Variants in MYO3B observed in about 807,000 individuals in gnomAD.
MYO3B encodes the protein myosin-IIIb.
A neutral mutation model predicts 174.6 loss-of-function variants in MYO3B; 156 were observed. The observed-to-expected ratio is 0.89, with a 90% CI of 0.78 to 1.02. MYO3B has a LOEUF of 1.02. Ranked by LOEUF, MYO3B falls within the 50% of genes least tolerant of loss-of-function variation. MYO3B has a pLI of 0.00. For synonymous variants in MYO3B, 563 were observed against 569.1 expected (o/e 0.99, Z 0.15); for missense variants, 1,632 against 1,639.4 (o/e 1.00, Z 0.08).
At chr2:170,628,685 T>C (rs1326291057) in intron 32 of MYO3B, among the ~76,000 whole-genome samples, 2 of 152,182 alleles carry the variant, frequency 1.3e-5, no homozygotes, top group Non-Finnish European at 2.9e-5. Flanking sequence ...TGTCCTCTTA[T>C]ATTCTTATAA....
In MYO3B at chr2:170,378,141, C is replaced by T. The variant is rs149377233; in HGVS notation, c.972-3875C>T. ...CTAAAAATAGAGAAATATAAAACAA[C>T]GTAACGCTTTTTATAAGCTTATGCA... is the stretch of plus-strand genomic sequence containing the variant. On this transcript the variant is annotated intron_variant, in intron 9 of 34. Coordinates refer to ENST00000408978, the MANE Select transcript of MYO3B (RefSeq NM_138995.5). Among the ~76,000 whole-genome samples, 72 of 152,026 alleles carry T rather than the reference C, an allele frequency of 4.7e-4. No individual in the cohort carries two copies. In the South Asian group the frequency reaches 8.3e-3, roughly 18 times the overall value.
At chr2:170,242,983 A>T (rs186218687) in intron 7 of MYO3B, among the ~76,000 whole-genome samples, 5 of 152,286 alleles carry the variant, frequency 3.3e-5, no homozygotes, top group Admixed American at 2.6e-4. Context: ...TAAGACAGGG[A>T]TGAGGAGCAA....
intron 8 of MYO3B, among the ~76,000 whole-genome samples, chr2:170,362,546 A>C (rs1223355405): frequency 6.6e-6 from 1 of 151,950 alleles, no homozygotes; most frequent in Non-Finnish European, 1.5e-5. Flanking sequence ...TCCTGTTCAA[A>C]AGCTCTCCAT....
chr2:170,447,920 A>G (rs574215148), intron 23 of MYO3B, among the ~76,000 whole-genome samples: 5 of 152,302 alleles, frequency 3.3e-5, no homozygotes, highest in African/African-American at 1.2e-4. Context: ...GGTTGGGGCT[A>G]TAAGACCAGA....
At chr2:170,354,622 C>T (rs184016418) in intron 8 of MYO3B, among the ~76,000 whole-genome samples, 4 of 152,214 alleles carry the variant, frequency 2.6e-5, no homozygotes, top group African/African-American at 9.7e-5. Context: ...TCCCCCTCCC[C>T]CTTCTTTCCC....
At chr2:170,623,343 A>T (rs956296083) in intron 32 of MYO3B, among the ~76,000 whole-genome samples, 31 of 152,032 alleles carry the variant, frequency 2.0e-4, no homozygotes, top group African/African-American at 6.3e-4. Context: ...GCATTTTTTC[A>T]TATGTTTGTT....
chr2:170,386,207 G>A lies in MYO3B; in HGVS notation c.1309G>A (p.Glu437Lys). 6.2e-7 allele frequency: 1 copy of A among 1,613,616 alleles called. No individual in the cohort carries two copies. The highest frequency in any genetic ancestry group is 8.5e-7 in the Non-Finnish European group (1 of 1,179,636). Residue 437 changes from glutamate (E) to lysine (K), a missense_variant, in exon 13 of 35, where the codon GAG (glutamate) becomes AAG (lysine). Transcript: ENST00000408978. ...GTGCCAGTGCATTGTCATCAGCGGAGAGAGTGGCTCTGGGAAGACAGAAAG... is the reference window on the plus strand; with the variant it reads ...GTGCCAGTGCATTGTCATCAGCGGAAAGAGTGGCTCTGGGAAGACAGAAAG... ...SKDQCIVISGESGSGKTESAH... is the reference protein window; with the variant it reads ...SKDQCIVISGKSGSGKTESAH...
chr2:170,178,212 C>T lies in MYO3B; in HGVS notation c.-76C>T, dbSNP rs2092355216. ...GTCATCAAAGACACCATTTTCTGGG[C>T]CTGAAGTGTTCTGCTGGTTTTTGGA... On this transcript the variant is annotated 5_prime_UTR_variant, in exon 1 of 35. Transcript: ENST00000408978. 13 of 1,579,686 alleles carry T rather than the reference C, an allele frequency of 8.2e-6. No individual in the cohort carries two copies. Among genetic ancestry groups the T allele is most frequent in the African/African-American group, 1.3e-5 (1 of 74,386 alleles).
intron 22 of MYO3B, among the ~76,000 whole-genome samples, chr2:170,419,796 AC>A (rs1342756487): frequency 1.3e-5 from 2 of 152,094 alleles, no homozygotes; most frequent in African/African-American, 4.8e-5. Flanking sequence ...GGAGAGAAGA[AC>A]CCTCCAAGCC....
intron 25 of MYO3B, among the ~76,000 whole-genome samples, chr2:170,495,556 G>T (rs1575072091): frequency 6.7e-6 from 1 of 149,084 alleles, no homozygotes; most frequent in Non-Finnish European, 1.5e-5. Flanking sequence ...AATACATTCT[G>T]CCTATTTAGA....
rs1184117163 is a variant in MYO3B at position 170,178,262 on chromosome 2, AG to A, written c.-25del. ...AGGAATGAGAATCCAATCTCTCATA[AG>A]CCGGATTCAGAAAATAGGTCATCGA... On this transcript the variant is annotated 5_prime_UTR_variant, in exon 1 of 35. An upstream open reading frame in the 5' UTR gains an earlier in-frame stop. Coordinates refer to ENST00000408978, the MANE Select transcript of MYO3B (RefSeq NM_138995.5). The A allele has an allele frequency of 6.2e-7, 1 of 1,614,028 alleles. No homozygotes were observed. Among genetic ancestry groups the A allele is most frequent in the Non-Finnish European group, 8.5e-7 (1 of 1,179,986 alleles).
At chr2:170,481,058 C>A (rs1042197200) in intron 25 of MYO3B, among the ~76,000 whole-genome samples, 3 of 152,164 alleles carry the variant, frequency 2.0e-5, no homozygotes, top group African/African-American at 7.2e-5. Flanking sequence ...CACAGAAGAA[C>A]CCAGACATCT....
At chr2:170,559,058 T>C (rs78064827) in intron 32 of MYO3B, among the ~76,000 whole-genome samples, 2,649 of 152,316 alleles carry the variant, frequency 0.017, 62 homozygotes, top group East Asian at 0.088. Context: ...AGAGTTAATA[T>C]GGCCTAACCT....
intron 3 of MYO3B, among the ~76,000 whole-genome samples, chr2:170,212,689 C>G (rs2092785117): frequency 6.6e-6 from 1 of 152,178 alleles, no homozygotes. Context: ...AACAGGCCCT[C>G]TACCTCACCG....
At chr2:170,377,142 G>T (rs1029744943) in intron 9 of MYO3B, among the ~76,000 whole-genome samples, 4 of 152,212 alleles carry the variant, frequency 2.6e-5, no homozygotes, top group Admixed American at 1.3e-4. Context: ...AGGACTAGCA[G>T]CTCAAACAAA....
intron 7 of MYO3B, among the ~76,000 whole-genome samples, chr2:170,254,734 G>A (rs2093289082): frequency 6.6e-6 from 1 of 152,224 alleles, no homozygotes; most frequent in Non-Finnish European, 1.5e-5. Flanking sequence ...CTCACTCTCA[G>A]AACACAGAGA....
chr2:170,621,818 C>T (rs189899031), intron 32 of MYO3B, among the ~76,000 whole-genome samples: 18 of 152,192 alleles, frequency 1.2e-4, no homozygotes, highest in Non-Finnish European at 2.4e-4. Context: ...CCACCATGCC[C>T]GGCTAGAAAT....
chr2:170,420,698 A>G (rs1006631081), intron 22 of MYO3B, among the ~76,000 whole-genome samples: 10 of 152,220 alleles, frequency 6.6e-5, no homozygotes, highest in African/African-American at 1.9e-4. Context: ...GTCCTGTCTC[A>G]TGTGACCATC....
intron 6 of MYO3B, among the ~76,000 whole-genome samples, chr2:170,224,741 C>A (rs1287429707): frequency 1.3e-5 from 2 of 152,148 alleles, no homozygotes; most frequent in East Asian, 3.8e-4. Context: ...CCCCTCTTTA[C>A]TTCCATCTGC....
Sources: allele counts gnomAD v4.1 joint callset (sites outside exome capture counted in the v4.1 genomes callset), GRCh38; gene constraint gnomAD v4.1.1; transcripts MANE v1.5; gene names NCBI Gene and HGNC (gene_info 2026-07-23, HGNC 2026-07-21).